The following FSIP2 variants were observed in gnomAD, a reference collection of about 807,000 sequenced individuals.
The protein encoded by FSIP2 is fibrous sheath-interacting protein 2.
Under a neutral mutation model 510.5 loss-of-function variants are expected in FSIP2, and 367 were observed. That is an observed-to-expected ratio of 0.72 (90% CI 0.66 to 0.78). FSIP2 has a LOEUF of 0.78. Among genes scored for constraint, FSIP2 ranks in the 30% least tolerant of loss-of-function variants. The pLI, the probability that FSIP2 is intolerant of heterozygous loss-of-function variation, is 0.00. For synonymous variants in FSIP2, 2,601 were observed against 2,732.2 expected (o/e 0.95, Z 1.50); for missense variants, 7,594 against 7,901.7 (o/e 0.96, Z 1.48).
chr2:185,818,169 A>G lies in FSIP2; in HGVS notation c.20426+2698A>G, dbSNP rs558456154. Among the ~76,000 whole-genome samples, 118 of 152,130 alleles carry G rather than the reference A, an allele frequency of 7.8e-4. 2 individuals are homozygous for G. Among genetic ancestry groups the G allele is most frequent in the Non-Finnish European group, 8.1e-4 (55 of 67,926 alleles). Reference sequence around the variant, plus strand: ...AAAATTAATTCTGGAGCTGAAAAATATAACAACTGAATTGAAAAATTCATT... The same window carrying G: ...AAAATTAATTCTGGAGCTGAAAAATGTAACAACTGAATTGAAAAATTCATT... On this transcript the variant is annotated intron_variant, in intron 19 of 22. Transcript: ENST00000424728.
intron 17 of FSIP2, among the ~76,000 whole-genome samples, chr2:185,811,327 G>T (rs566858962): frequency 6.6e-6 from 1 of 151,860 alleles, no homozygotes; most frequent in Admixed American, 6.6e-5. Context: ...AAATTAGCTG[G>T]GCATGATGGC....
In FSIP2 at chr2:185,806,613, T is replaced by C; in HGVS notation, c.17307T>C (p.Asp5769=). The C allele has an allele frequency of 6.2e-7, 1 of 1,609,212 alleles. No individual in the cohort carries two copies. The highest frequency in any genetic ancestry group is 1.7e-5 in the Admixed American group (1 of 59,040). Residue 5769 remains aspartate, a synonymous_variant, in exon 17 of 23, where the codon GAT becomes GAC. Coordinates refer to ENST00000424728, the MANE Select transcript of FSIP2 (RefSeq NM_173651.4). ...TTAAAAGTGAACCCAGTAAACCAGA[T>C]GATCCTCAAAACCAACGAGAAAGTA... ...EEIKSEPSKP[D]DPQNQRESKP...
intron 9 of FSIP2, among the ~76,000 whole-genome samples, chr2:185,759,001 G>A (rs1381037397): frequency 6.6e-6 from 1 of 151,060 alleles, no homozygotes; most frequent in African/African-American, 2.4e-5. Context: ...TTACAAAATA[G>A]CTTGCTGCAA....
rs115715789 is a variant in FSIP2, at chr2:185,796,672, A to G, written c.9536A>G (p.Asn3179Ser). ...TTAAAGGAAGGTAGTTTGGGGATTA[A>G]TCCTTCACAAGTGAGTAAAACTGGG... ...SKLKEGSLGI[N>S]PSQVSKTGFV... Residue 3179 changes from asparagine to serine, a missense_variant, in exon 16 of 23, where the codon AAT becomes AGT. Coordinates refer to ENST00000424728, the MANE Select transcript of FSIP2 (RefSeq NM_173651.4). The G allele has an allele frequency of 3.3e-3, 5,103 of 1,535,124 alleles. 13 individuals are homozygous for G. Among genetic ancestry groups the G allele is most frequent in the Middle Eastern group, 7.2e-3 (43 of 5,982 alleles).
upstream of FSIP2, chr2:185,738,291 C>G: frequency 3.1e-6 from 1 of 326,106 alleles, no homozygotes; most frequent in Non-Finnish European, 5.7e-6. Context: ...TAGGATCAAG[C>G]TGCAGGAGCA....
At chr2:185,819,107 T>A (rs1486964126) in intron 19 of FSIP2, among the ~76,000 whole-genome samples, 1 of 151,684 alleles carries the variant, frequency 6.6e-6, no homozygotes, top group Non-Finnish European at 1.5e-5. Flanking sequence ...AAAAGTAGAG[T>A]TTTTGTATGC....
In FSIP2 at chr2:185,805,893, T is replaced by C; in HGVS notation, c.16587T>C (p.Thr5529=). The C allele has an allele frequency of 1.2e-6, 2 of 1,607,520 alleles. No homozygotes were observed. Among genetic ancestry groups the C allele is most frequent in the East Asian group, 4.5e-5 (2 of 44,752 alleles). ...EVDENKVGIC[T]QKHSENVSKV... The stretch of plus-strand genomic sequence containing the variant: ...ATGAAAATAAAGTGGGAATTTGTAC[T>C]CAAAAACATAGTGAGAATGTATCAA... Residue 5529 remains threonine, a synonymous_variant, in exon 17 of 23, where the codon ACT becomes ACC. Transcript: ENST00000424728.
At position 185,801,926 on chromosome 2, in the gene FSIP2, G is replaced by A; in HGVS notation, c.12620G>A (p.Gly4207Glu). The A allele has an allele frequency of 1.3e-6, 2 of 1,515,756 alleles. No individual in the cohort carries two copies. The highest frequency in any genetic ancestry group is 1.8e-6 in the Non-Finnish European group (2 of 1,134,596). The allele number at this position is 1,515,756 out of a possible 1,614,324, so 93.9% of individuals were successfully genotyped here. Residue 4207 changes from glycine to glutamate, a missense_variant, in exon 17 of 23, where the codon GGA becomes GAA. By Grantham distance (98) the Gly-to-Glu change is moderately conservative. Transcript: ENST00000424728. ...TATGATAATCAATATCTATATACTG[G>A]AAAAAACCTCCAAAAGATGGTGGAT... ...TIYDNQYLYT[G>E]KNLQKMVDSV...
At position 185,792,027 on chromosome 2, in the gene FSIP2, C is replaced by A; in HGVS notation, c.4891C>A (p.His1631Asn). ...AAGCACCAATATTTCCAGAGACACACATGAAGCATCATTTCTGTCTGCTTT... is the reference window on the plus strand; with the variant it reads ...AAGCACCAATATTTCCAGAGACACAAATGAAGCATCATTTCTGTCTGCTTT... ...YESTNISRDT[H>N]EASFLSALYM... The change falls in exon 16 of 23, where the codon CAT (histidine) becomes AAT (asparagine). Residue 1631 changes from histidine (H) to asparagine (N), a missense_variant. Coordinates refer to ENST00000424728, the MANE Select transcript of FSIP2 (RefSeq NM_173651.4). 6 of 1,533,870 alleles carry A rather than the reference C, an allele frequency of 3.9e-6. No individual in the cohort carries two copies. The highest frequency in any genetic ancestry group is 5.2e-6 in the Non-Finnish European group (6 of 1,145,302).
chr2:185,807,250 G>A lies in FSIP2; in HGVS notation c.17944G>A (p.Asp5982Asn), dbSNP rs1693604821. Residue 5982 changes from aspartate (D) to asparagine (N), a missense_variant, in exon 17 of 23, where the codon GAT becomes AAT. Coordinates refer to ENST00000424728, the MANE Select transcript of FSIP2 (RefSeq NM_173651.4). ...VSACLPLESK[D>N]VVKKVQKLAQ... The stretch of plus-strand genomic sequence containing the variant: ...AGCATGTTTGCCTCTGGAATCTAAG[G>A]ATGTTGTTAAAAAGGTCCAAAAGTT... 6.2e-6 allele frequency: 10 copies of A among 1,611,986 alleles called. 1 individual carries two copies. The Admixed American group carries it at 6.7e-5, about 11-fold the overall frequency.
chr2:185,806,817 G>GT lies in FSIP2; in HGVS notation c.17511_17512insT (p.Glu5838Ter). Reference sequence around the variant, plus strand: ...TGAAACTCATCAATTCACTGTTAAAGGAGTTCTCAGATGCTCAAATTAAGG... The same window carrying GT: ...TGAAACTCATCAATTCACTGTTAAAGTGAGTTCTCAGATGCTCAAATTAAGG... On this transcript the variant is annotated frameshift_variant, in exon 17 of 23. Transcript: ENST00000424728. LOFTEE classifies it high-confidence loss of function. The GT allele has an allele frequency of 4.3e-6, 7 of 1,611,166 alleles. No individual in the cohort carries two copies. Among genetic ancestry groups the GT allele is most frequent in the Non-Finnish European group, 5.9e-6 (7 of 1,178,612 alleles).
intron 20 of FSIP2, 108 bp from the exon 21 acceptor site, chr2:185,828,048 A>G: frequency 1.5e-6 from 1 of 679,876 alleles, no homozygotes; most frequent in South Asian, 1.9e-5. Context: ...ACCTGCCTAA[A>G]CTATATGATT....
At chr2:185,759,713 C>T (rs1294909895) in intron 9 of FSIP2, among the ~76,000 whole-genome samples, 1 of 147,256 alleles carries the variant, frequency 6.8e-6, no homozygotes, top group Non-Finnish European at 1.5e-5. Flanking sequence ...TGCATGTTTG[C>T]TCATGGGGGA....
At chr2:185,740,526 G>A (rs920001599) in intron 2 of FSIP2, 1 of 152,138 alleles carries the variant, frequency 6.6e-6, no homozygotes, top group Non-Finnish European at 1.5e-5. Context: ...TGTCTATGAT[G>A]TCATCAGAAA....
chr2:185,773,822 T>A (rs1692661502), intron 13 of FSIP2, among the ~76,000 whole-genome samples: 1 of 152,210 alleles, frequency 6.6e-6, no homozygotes, highest in Non-Finnish European at 1.5e-5. Flanking sequence ...TATTACATAT[T>A]TTATTGCATA....
Position 185,743,146 on chromosome 2 carries a change from C to T in FSIP2, c.239C>T (p.Ser80Phe). Residue 80 changes from serine (S) to phenylalanine (F), a missense_variant, in exon 3 of 23, where the codon TCT becomes TTT. Coordinates refer to ENST00000424728, the MANE Select transcript of FSIP2 (RefSeq NM_173651.4). ...CTGTGTTTGCAGCTTTTTCGACCTT[C>T]TTATGGTTTTAACCTGACTGATCCC... ...TNFGEKLFRP[S>F]YGFNLTDPYC... The T allele has an allele frequency of 2.7e-6, 4 of 1,486,690 alleles. No individual in the cohort carries two copies. Among genetic ancestry groups the T allele is most frequent in the Middle Eastern group, 3.5e-4 (2 of 5,742 alleles). 92.1% of individuals were successfully genotyped at this position (1,486,690 alleles called of 1,614,324 possible). A position where few individuals can be genotyped will look rare whatever the true frequency, so the allele number is the denominator to read the frequency against.
At chr2:185,776,880 T>C (rs528700026) in intron 13 of FSIP2, among the ~76,000 whole-genome samples, 2 of 151,934 alleles carry the variant, frequency 1.3e-5, no homozygotes, top group Non-Finnish European at 2.9e-5. Context: ...GATTACACCA[T>C]ACCCAGCTAA....
At position 185,751,461 on chromosome 2, in the gene FSIP2, C is replaced by CTCTG. The variant is rs368632994; in HGVS notation, c.871-2260_871-2259insCTGT. 8.5e-3 allele frequency among the ~76,000 whole-genome samples: 1,150 copies of CTCTG among 135,874 alleles called. 8 individuals are homozygous for CTCTG. The highest frequency in any genetic ancestry group is 0.029 in the African/African-American group (1,077 of 36,948). 89.1% of individuals were successfully genotyped at this position (135,874 alleles called of 152,430 possible). On this transcript the variant is annotated intron_variant, in intron 7 of 22. Coordinates refer to ENST00000424728, the MANE Select transcript of FSIP2 (RefSeq NM_173651.4). ...AGACCAAATTTGGGTCTTTATTTTT[C>CTCTG]TGTGTGTGTGTGTGTGTGTGTGTGT...
At position 185,796,685 on chromosome 2, in the gene FSIP2, G is replaced by T. The variant is rs1315955665; in HGVS notation, c.9549G>T (p.Val3183=). Residue 3183 remains valine, a synonymous_variant, in exon 16 of 23, where the codon GTG becomes GTT. Transcript: ENST00000424728. ...EGSLGINPSQ[V]SKTGFVFCSD... Reference sequence around the variant, plus strand: ...GTTTGGGGATTAATCCTTCACAAGTGAGTAAAACTGGGTTTGTGTTTTGTT... The same window carrying T: ...GTTTGGGGATTAATCCTTCACAAGTTAGTAAAACTGGGTTTGTGTTTTGTT... 1.3e-5 allele frequency: 20 copies of T among 1,534,974 alleles called. No homozygotes were observed. Among genetic ancestry groups the T allele is most frequent in the Non-Finnish European group, 1.6e-5 (18 of 1,146,266 alleles).
Sources: gnomAD v4.1 joint callset for allele counts (sites outside exome capture counted in the v4.1 genomes callset) on GRCh38, gnomAD v4.1.1 for gene constraint, MANE v1.5 for transcripts, NCBI Gene and HGNC (gene_info 2026-07-23, HGNC 2026-07-21) for gene names.